Variants in IST1 observed in about 807,000 individuals in gnomAD.
IST1 encodes the protein IST1 factor associated with ESCRT-III.
In IST1, 23 loss-of-function variants were observed where a neutral mutation model predicts 37.0. The ratio of observed to expected loss-of-function variants is 0.62; its 90% confidence interval spans 0.45 to 0.88. IST1 has a LOEUF of 0.88. Ranked by LOEUF, IST1 falls within the 40% of genes least tolerant of loss-of-function variation. The pLI is 0.00. For synonymous variants in IST1, 180 were observed against 161.7 expected, an observed-to-expected ratio of 1.11 and a Z score of -0.86; for missense variants, 488 against 445.4, an observed-to-expected ratio of 1.10 and a Z score of -0.86.
At chr16:71,908,385 C>T (rs1463249821) in intron 1 of IST1, among the ~76,000 whole-genome samples, 1 of 146,160 alleles carries the variant, frequency 6.8e-6, no homozygotes, top group East Asian at 2.1e-4. Flanking sequence ...CTGCAACCTC[C>T]GCCTCCCCAG....
rs1597264342 is a variant in IST1 at position 71,929,463 on chromosome 16, A to C, written c.*1650A>C. 2 of 1,360,554 alleles carry C rather than the reference A, an allele frequency of 1.5e-6. No homozygotes were observed. Among genetic ancestry groups the C allele is most frequent in the East Asian group, 5.1e-5 (2 of 39,074 alleles). The allele number at this position is 1,360,554 out of a possible 1,614,324, so 84.3% of individuals were successfully genotyped here. ...CAGAATTAAAAACAAAGTATATTAT[A>C]ATTTTAAAGCTATGCCATGCAAAGA... On this transcript the variant is annotated 3_prime_UTR_variant, in exon 10 of 10. Transcript: ENST00000378799.
At chr16:71,922,402 C>T (rs1015118133) in intron 6 of IST1, 72 bp from the exon 7 acceptor site, 14 of 1,304,288 alleles carry the variant, frequency 1.1e-5, no homozygotes, top group Non-Finnish European at 1.3e-5. Flanking sequence ...TAATCTCCAT[C>T]TCAGACTCCG....
At chr16:71,917,514 G>A (rs1597249729) in intron 4 of IST1, among the ~76,000 whole-genome samples, 1 of 152,202 alleles carries the variant, frequency 6.6e-6, no homozygotes, top group East Asian at 1.9e-4. Context: ...TATGAGCTAT[G>A]TAAGTGCTGG....
intron 4 of IST1, among the ~76,000 whole-genome samples, chr16:71,920,050 C>T (rs571901844): frequency 4.1e-4 from 63 of 152,150 alleles, no homozygotes; most frequent in Non-Finnish European, 6.8e-4. Flanking sequence ...TGTCCTGATT[C>T]CATTGGCTGG....
At chr16:71,925,419 C>T (rs1262065328) in intron 9 of IST1, among the ~76,000 whole-genome samples, 1 of 151,230 alleles carries the variant, frequency 6.6e-6, no homozygotes. Context: ...CGGGTTCAGG[C>T]TATTCTCCTG....
At chr16:71,897,678 G>T (rs2037004712) in intron 1 of IST1, among the ~76,000 whole-genome samples, 2 of 152,218 alleles carry the variant, frequency 1.3e-5, no homozygotes. Flanking sequence ...GGGCACGGTG[G>T]CTCACGCCTG....
chr16:71,906,922 T>A (rs2018384), intron 1 of IST1, among the ~76,000 whole-genome samples: 1 of 151,902 alleles, frequency 6.6e-6, no homozygotes, highest in African/African-American at 2.4e-5. Flanking sequence ...CCCAGCTACT[T>A]GGGAGGCTGA....
intron 1 of IST1, among the ~76,000 whole-genome samples, chr16:71,902,394 C>G (rs930664633): frequency 6.6e-6 from 1 of 152,070 alleles, no homozygotes; most frequent in East Asian, 1.9e-4. Flanking sequence ...CTCAGCCTCC[C>G]GAGTAGCTGG....
intron 1 of IST1, among the ~76,000 whole-genome samples, chr16:71,914,065 C>G (rs1388074299): frequency 1.3e-5 from 2 of 152,174 alleles, no homozygotes; most frequent in East Asian, 1.9e-4. Context: ...ACCTAGGCCT[C>G]CCAAAGTGCT....
chr16:71,915,459 T>C, intron 1 of IST1, 167 bp from the exon 2 acceptor site: 1 of 539,302 alleles, frequency 1.9e-6, no homozygotes, highest in Non-Finnish European at 3.3e-6. Context: ...CAATCAGTTT[T>C]TTTTACAACA....
At chr16:71,908,891 T>C (rs971719809) in intron 1 of IST1, among the ~76,000 whole-genome samples, 1 of 152,150 alleles carries the variant, frequency 6.6e-6, no homozygotes, top group Non-Finnish European at 1.5e-5. Flanking sequence ...TCTGCTATTA[T>C]TTTTCATAGT....
chr16:71,899,262 C>CACT (rs2037048221), intron 1 of IST1, among the ~76,000 whole-genome samples: 1 of 151,908 alleles, frequency 6.6e-6, no homozygotes, highest in Non-Finnish European at 1.5e-5. Flanking sequence ...AACTTTGTGC[C>CACT]ACTTGTACAT....
Position 71,921,401 on chromosome 16 carries a change from T to G in IST1, c.500T>G (p.Ile167Ser). 6.2e-7 allele frequency: 1 copy of G among 1,613,894 alleles called. No individual in the cohort carries two copies. The change falls in exon 6 of 10, where the codon ATT (isoleucine) becomes AGT (serine). Residue 167 changes from isoleucine to serine, a missense_variant. Around this residue, in one of 2 missense-constraint regions of IST1, gnomAD observed 455 missense variants for 386.2 expected, o/e 1.18. Transcript: ENST00000378799. ...AAAATCCTGGTGGAGAGATACCTGA[T>G]TGAAATTGCAAAGAATTACAACGTA... ...PPKILVERYL[I>S]EIAKNYNVPY...
At chr16:71,917,674 A>G (rs907927227) in intron 4 of IST1, among the ~76,000 whole-genome samples, 3 of 152,046 alleles carry the variant, frequency 2.0e-5, no homozygotes, top group Non-Finnish European at 2.9e-5. Flanking sequence ...GTTGTTTTCT[A>G]TTTTCTACAT....
At position 71,923,296 on chromosome 16, in the gene IST1, C is replaced by G. The variant is rs2037653295; in HGVS notation, c.768C>G (p.Phe256Leu). The G allele has an allele frequency of 1.9e-6, 3 of 1,607,424 alleles. No homozygotes were observed. Among genetic ancestry groups the G allele is most frequent in the Non-Finnish European group, 2.6e-6 (3 of 1,174,756 alleles). ...CCTTTCTCCTCTTACAGTCAGATTT[C>G]AATGGACTGCCAATGGGGACTTATC... The part of the protein sequence containing the change: ...SYPLPKGPSD[F>L]NGLPMGTYQA... The change falls in exon 8 of 10, where the codon TTC becomes TTG. Residue 256 changes from phenylalanine to leucine, a missense_variant. By Grantham distance (22) the Phe-to-Leu change is conservative. This residue lies in a region of IST1 where 455 missense variants were observed against 386.2 expected (regional missense o/e 1.18). Transcript: ENST00000378799.
At chr16:71,907,310 C>T in intron 1 of IST1, among the ~76,000 whole-genome samples, 1 of 145,528 alleles carries the variant, frequency 6.9e-6, no homozygotes, top group Non-Finnish European at 1.5e-5. Context: ...CAGTCTCTCT[C>T]TCTGTCGCCC....
upstream of IST1, chr16:71,894,961 G>C (rs781526531): frequency 4.7e-6 from 4 of 850,128 alleles, no homozygotes; most frequent in Non-Finnish European, 7.5e-6. Flanking sequence ...ACACAGACCG[G>C]AGCGATGCTG....
At chr16:71,925,422 T>G (rs1476509248) in intron 9 of IST1, among the ~76,000 whole-genome samples, 1 of 151,736 alleles carries the variant, frequency 6.6e-6, no homozygotes, top group Non-Finnish European at 1.5e-5. Context: ...GTTCAGGCTA[T>G]TCTCCTGCCT....
chr16:71,922,608 AATGCCC>A lies in IST1; in HGVS notation c.705_710del (p.Met238_Pro239del), dbSNP rs148848854. 0.34 allele frequency: 550,171 copies of A among 1,610,050 alleles called. 97,492 individuals carry two copies. The highest frequency in any genetic ancestry group is 0.49 in the South Asian group (44,660 of 90,966). On this transcript the variant is annotated inframe_deletion, in exon 7 of 10. Coordinates refer to ENST00000378799, the MANE Select transcript of IST1 (RefSeq NM_001270975.2). ...TTGGTGGACCTGATGGAACGGTGCC[AATGCCC>A]ATGCCCATGCCCATGCCTATGCCAT... is the stretch of plus-strand genomic sequence containing the variant.
Sources: gnomAD v4.1 joint callset for allele counts (sites outside exome capture counted in the v4.1 genomes callset) on GRCh38, gnomAD v4.1.1 for gene constraint, gnomAD v4.1.1 regional missense constraint, MANE v1.5 for transcripts, NCBI Gene and HGNC (gene_info 2026-07-23, HGNC 2026-07-21) for gene names.